RBFOX3: variants seen among roughly 807,000 people sequenced by gnomAD.
The protein encoded by RBFOX3 is RNA binding protein fox-1 homolog 3.
RBFOX3 carries 17 observed loss-of-function variants against 48.7 expected under a neutral mutation model. That is an observed-to-expected ratio of 0.35 (90% CI 0.24 to 0.52). RBFOX3 has a LOEUF of 0.52. Ranked by LOEUF, RBFOX3 falls within the 20% of genes least tolerant of loss-of-function variation. The probability of loss-of-function intolerance (pLI) is 0.94; values close to 1 mark genes in which losing one functional copy is unlikely to be tolerated. For missense variants in RBFOX3, 382 were observed against 497.5 expected (o/e 0.77, Z 2.21); for synonymous variants, 212 against 209.5 (o/e 1.01, Z -0.10).
chr17:79,144,681 C>T lies in RBFOX3; in HGVS notation c.-33-28933G>A, dbSNP rs116643186. 4.4e-3 allele frequency among the ~76,000 whole-genome samples: 677 copies of T among 152,278 alleles called. 10 individuals carry two copies. The highest frequency in any genetic ancestry group is 0.015 in the African/African-American group (630 of 41,558). ...ACGGTTCCAATCCTGCCTATGTCCCCGAACGCCGAGTGCCTCCTGAAGGCC... is the reference window on the plus strand; with the variant it reads ...ACGGTTCCAATCCTGCCTATGTCCCTGAACGCCGAGTGCCTCCTGAAGGCC... On this transcript the variant is annotated intron_variant, in intron 4 of 14. Coordinates refer to ENST00000693108, the MANE Select transcript of RBFOX3 (RefSeq NM_001350451.2).
intron 1 of RBFOX3, among the ~76,000 whole-genome samples, chr17:79,530,972 G>A (rs2087668873): frequency 6.6e-6 from 1 of 152,234 alleles, no homozygotes; most frequent in African/African-American, 2.4e-5. Context: ...AGGCCGCCGT[G>A]GATGGACGTG....
Position 79,406,917 on chromosome 17 carries a change from G to A in RBFOX3, c.-175+75537C>T, listed in dbSNP as rs1041096171. ...CTATGCAGCTGAAGTGGATCTGCAC[G>A]GACTTCCATGCCAGGCTGCTGGGGA... On this transcript the variant is annotated intron_variant, in intron 2 of 14. Coordinates refer to ENST00000693108, the MANE Select transcript of RBFOX3 (RefSeq NM_001350451.2). Among the ~76,000 whole-genome samples the A allele has an allele frequency of 4.6e-5, 7 of 152,224 alleles. No individual in the cohort carries two copies. The East Asian group carries it at 5.8e-4, about 13-fold the overall frequency.
chr17:79,350,246 C>T (rs866728770), intron 2 of RBFOX3, among the ~76,000 whole-genome samples: 1 of 152,184 alleles, frequency 6.6e-6, no homozygotes, highest in Admixed American at 6.5e-5. Flanking sequence ...CGCCCCATCC[C>T]GCCTCTCCAG....
intron 1 of RBFOX3, among the ~76,000 whole-genome samples, chr17:79,572,178 C>G (rs1227147084): frequency 6.6e-6 from 1 of 152,124 alleles, no homozygotes; most frequent in Admixed American, 6.5e-5. Flanking sequence ...TTCAGGTCCC[C>G]CTGCAGCCTG....
chr17:79,183,441 C>G (rs1409103658), intron 4 of RBFOX3: 1 of 151,932 alleles, frequency 6.6e-6, no homozygotes, highest in Admixed American at 6.6e-5. Flanking sequence ...CGCCCTGCCT[C>G]CCGGGCGCCC....
At chr17:79,384,056 G>A (rs77387666) in intron 2 of RBFOX3, among the ~76,000 whole-genome samples, 1,525 of 152,180 alleles carry the variant, frequency 0.01, 2 homozygotes, top group Middle Eastern at 0.024. Flanking sequence ...AGCGGGACTC[G>A]TGTGAGTTCT....
At chr17:79,318,433 C>G (rs1286845486) in intron 2 of RBFOX3, among the ~76,000 whole-genome samples, 2 of 152,170 alleles carry the variant, frequency 1.3e-5, no homozygotes, top group Admixed American at 1.3e-4. Context: ...CCCCTTACAC[C>G]ATATGGCTCC....
chr17:79,096,295 C>A (rs2075240980), intron 12 of RBFOX3, among the ~76,000 whole-genome samples: 1 of 152,170 alleles, frequency 6.6e-6, no homozygotes, highest in African/African-American at 2.4e-5. Context: ...CCTCTTGCAG[C>A]CCGTGCTGTG....
intron 1 of RBFOX3, among the ~76,000 whole-genome samples, chr17:79,529,288 C>CCCCCACCGCATCACCCATCA (rs1161732442): frequency 2.0e-5 from 3 of 152,150 alleles, no homozygotes; most frequent in African/African-American, 4.8e-5. Context: ...TTGACCCATC[C>CCCCCACCGCATCACCCATCA]CCCCACCGCA....
At chr17:79,536,288 G>A (rs2088730286) in intron 1 of RBFOX3, among the ~76,000 whole-genome samples, 2 of 152,208 alleles carry the variant, frequency 1.3e-5, no homozygotes, top group Admixed American at 1.3e-4. Context: ...ATGTGGGCCA[G>A]GCTGAACTTT....
Position 79,258,296 on chromosome 17 carries a change from G to A in RBFOX3, c.-73-22491C>T, listed in dbSNP as rs562382234. On this transcript the variant is annotated intron_variant, in intron 3 of 14. Coordinates refer to ENST00000693108, the MANE Select transcript of RBFOX3 (RefSeq NM_001350451.2). ...ACCAGACAGCAGCCTCCAGTGATAC[G>A]CCGCAGACACAGAGAAAGGATCTGA... is the stretch of plus-strand genomic sequence containing the variant. 3.9e-5 allele frequency among the ~76,000 whole-genome samples: 6 copies of A among 152,286 alleles called. No individual in the cohort carries two copies. The South Asian group carries it at 8.3e-4, about 21-fold the overall frequency.
At chr17:79,183,190 TGCGGGGCGTGGGCGGCAGC>T (rs2146197684) in intron 4 of RBFOX3, 1 of 146,648 alleles carries the variant, frequency 6.8e-6, no homozygotes, top group South Asian at 1.9e-4. Flanking sequence ...GGCGGCCAAG[TGCGGGGCGTGGGCGGCAGC>T]GCGGGGCGCA....
At chr17:79,128,503 T>C (rs2037927892) in intron 4 of RBFOX3, among the ~76,000 whole-genome samples, 1 of 152,186 alleles carries the variant, frequency 6.6e-6, no homozygotes, top group African/African-American at 2.4e-5. Context: ...ACCAGGTTCC[T>C]GCCTTCAGAC....
chr17:79,402,990 A>G (rs757642305), intron 2 of RBFOX3, among the ~76,000 whole-genome samples: 17 of 152,162 alleles, frequency 1.1e-4, no homozygotes, highest in Non-Finnish European at 2.9e-5. Context: ...ATCATGCTGA[A>G]GGTCTTCATC....
rs1179525283 is a variant in RBFOX3, at chr17:79,443,096, G to T, written c.-175+39358C>A. Among the ~76,000 whole-genome samples, 2 of 152,224 alleles carry T rather than the reference G, an allele frequency of 1.3e-5. No homozygotes were observed. Among genetic ancestry groups the T allele is most frequent in the African/African-American group, 4.8e-5 (2 of 41,462 alleles). On this transcript the variant is annotated intron_variant, in intron 2 of 14. Transcript: ENST00000693108. The surrounding 1 kb of genome is among the most constrained non-coding windows in gnomAD (Gnocchi z 4.4). ...GGTGCACATGGACGAGACAGTGGTG[G>T]CCTCTGCCCCTGTGGACAAAACCGG...
At chr17:79,216,995 C>T (rs946006801) in intron 4 of RBFOX3, among the ~76,000 whole-genome samples, 8 of 152,162 alleles carry the variant, frequency 5.3e-5, no homozygotes, top group Non-Finnish European at 7.4e-5. Context: ...GTGAAACATC[C>T]GAAGGCAGAG....
At chr17:79,598,898 G>C in intron 1 of RBFOX3, 1 of 152,274 alleles carries the variant, frequency 6.6e-6, no homozygotes, top group African/African-American at 2.4e-5. Context: ...GGGGAAGCAA[G>C]TGTCTCATCT....
At chr17:79,370,538 C>T (rs1445314205) in intron 2 of RBFOX3, among the ~76,000 whole-genome samples, 2 of 145,622 alleles carry the variant, frequency 1.4e-5, no homozygotes, top group East Asian at 1.9e-4. Context: ...CTGAAATGCA[C>T]ACATACACTA....
intron 1 of RBFOX3, among the ~76,000 whole-genome samples, chr17:79,588,873 G>A (rs1477098575): frequency 6.6e-6 from 1 of 151,624 alleles, no homozygotes; most frequent in African/African-American, 2.4e-5. Flanking sequence ...CCTATAGCGA[G>A]ACCCCATCCT....
Sources: allele counts gnomAD v4.1 joint callset (sites outside exome capture counted in the v4.1 genomes callset), GRCh38; gene constraint gnomAD v4.1.1; non-coding constraint Gnocchi (gnomAD v3.1); transcripts MANE v1.5; gene names NCBI Gene and HGNC (gene_info 2026-07-23, HGNC 2026-07-21).